SNX29: variants seen among roughly 807,000 people sequenced by gnomAD.
SNX29 encodes sorting nexin 29.
In SNX29, 78 loss-of-function variants were observed where a neutral mutation model predicts 102.1. That is an observed-to-expected ratio of 0.76 (90% CI 0.64 to 0.92). The LOEUF (loss-of-function observed/expected upper bound fraction) is 0.92, where lower values mean the gene tolerates loss of function less well. Among genes scored for constraint, SNX29 ranks in the 40% least tolerant of loss-of-function variants. SNX29 has a pLI of 0.00. For missense variants in SNX29, 1,280 were observed against 1,061.7 expected (o/e 1.21, Z -2.86); for synonymous variants, 580 against 414.5 (o/e 1.40, Z -4.85).
intron 16 of SNX29, among the ~76,000 whole-genome samples, chr16:12,361,637 A>G (rs536201358): frequency 6.6e-6 from 1 of 152,308 alleles, no homozygotes; most frequent in East Asian, 1.9e-4. Context: ...GAGAAGTGGC[A>G]CTTCTGGATC....
chr16:12,164,921 C>T (rs1203864950), intron 13 of SNX29, among the ~76,000 whole-genome samples: 1 of 152,052 alleles, frequency 6.6e-6, no homozygotes, highest in Non-Finnish European at 1.5e-5. Flanking sequence ...CTCCTGACCT[C>T]AGGTGATCTG....
intron 13 of SNX29, among the ~76,000 whole-genome samples, chr16:12,144,506 T>C (rs1474197085): frequency 2.0e-5 from 3 of 152,152 alleles, no homozygotes; most frequent in Admixed American, 6.5e-5. Flanking sequence ...GGAGGTGCGA[T>C]TCATGCTGTT....
At chr16:12,300,127 C>T (rs2080117955) in intron 15 of SNX29, among the ~76,000 whole-genome samples, 2 of 152,226 alleles carry the variant, frequency 1.3e-5, no homozygotes, top group Admixed American at 6.5e-5. Flanking sequence ...CTGCCTCGGC[C>T]TCCCAAAGTG....
chr16:12,276,900 G>T (rs893373685), intron 14 of SNX29, among the ~76,000 whole-genome samples: 6 of 151,934 alleles, frequency 3.9e-5, no homozygotes, highest in African/African-American at 1.5e-4. Flanking sequence ...CATGTCTTTT[G>T]CATTGACGTT....
At chr16:12,490,834 C>G (rs150674388) in intron 19 of SNX29, among the ~76,000 whole-genome samples, 3 of 152,194 alleles carry the variant, frequency 2.0e-5, no homozygotes. Context: ...TGAACACACA[C>G]GTATAACCAT....
At chr16:12,351,109 C>G (rs2081980425) in intron 15 of SNX29, among the ~76,000 whole-genome samples, 1 of 152,194 alleles carries the variant, frequency 6.6e-6, no homozygotes, top group South Asian at 2.1e-4. Flanking sequence ...GCCAACCTCC[C>G]TTTGCCTCAT....
At chr16:12,022,788 C>T (rs572666826) in intron 3 of SNX29, among the ~76,000 whole-genome samples, 230 of 152,126 alleles carry the variant, frequency 1.5e-3, no homozygotes, top group Admixed American at 3.4e-3. Context: ...CCTTCTTAGC[C>T]GTTTCATGGA....
At chr16:12,466,008 A>G (rs1208742168) in intron 18 of SNX29, among the ~76,000 whole-genome samples, 1 of 152,150 alleles carries the variant, frequency 6.6e-6, no homozygotes, top group Non-Finnish European at 1.5e-5. Flanking sequence ...GCATAAGAAA[A>G]CTGTATGTGA....
At chr16:12,381,908 A>T (rs1331090489) in intron 16 of SNX29, among the ~76,000 whole-genome samples, 1 of 148,658 alleles carries the variant, frequency 6.7e-6, no homozygotes, top group South Asian at 2.2e-4. Context: ...CCCGTCATCC[A>T]TCTACCCACC....
intron 13 of SNX29, 135 bp from the exon 14 acceptor site, chr16:12,199,466 G>C (rs1005707469): frequency 3.0e-6 from 2 of 668,834 alleles, no homozygotes; most frequent in Non-Finnish European, 5.1e-6. Flanking sequence ...TCTAAACCAT[G>C]AGAATATATT....
At chr16:12,341,354 C>CTGT (rs2081605172) in intron 15 of SNX29, among the ~76,000 whole-genome samples, 1 of 152,224 alleles carries the variant, frequency 6.6e-6, no homozygotes, top group Non-Finnish European at 1.5e-5. Context: ...CTTCCTGTGG[C>CTGT]TGTTGCAAAG....
chr16:12,571,563 TC>T lies in SNX29; in HGVS notation c.*2936del. The T allele has an allele frequency of 3.0e-6, 3 of 1,016,840 alleles. No homozygotes were observed. The highest frequency in any genetic ancestry group is 3.6e-6 in the Non-Finnish European group (3 of 835,862). The allele number at this position is 1,016,840 out of a possible 1,614,324, so 63.0% of individuals were successfully genotyped here. On this transcript the variant is annotated 3_prime_UTR_variant, in exon 21 of 21. Coordinates refer to ENST00000566228, the MANE Select transcript of SNX29 (RefSeq NM_032167.5). ...GCTGGGAGGAAGAATCCACACCGAA[TC>T]CTTCTGTCTTCATGGCCTGCTGTGC...
At chr16:12,152,880 C>T (rs952390741) in intron 13 of SNX29, among the ~76,000 whole-genome samples, 1 of 152,194 alleles carries the variant, frequency 6.6e-6, no homozygotes, top group African/African-American at 2.4e-5. Flanking sequence ...GTTCTCAGTT[C>T]ACAAGAGGGT....
chr16:11,991,911 C>T (rs1274711945), intron 1 of SNX29, among the ~76,000 whole-genome samples: 3 of 152,008 alleles, frequency 2.0e-5, no homozygotes, highest in African/African-American at 7.3e-5. Context: ...ATGCAGTTGC[C>T]TTGTCTAGCC....
intron 14 of SNX29, among the ~76,000 whole-genome samples, chr16:12,274,170 G>A (rs558603285): frequency 7.9e-5 from 12 of 152,188 alleles, no homozygotes; most frequent in Non-Finnish European, 1.0e-4. Flanking sequence ...TGCCTCTCAC[G>A]TGGCTTGCCT....
chr16:12,277,488 C>T (rs1198852703), intron 14 of SNX29, among the ~76,000 whole-genome samples: 1 of 152,216 alleles, frequency 6.6e-6, no homozygotes, highest in Admixed American at 6.5e-5. Context: ...CTGTTTTCTC[C>T]TGAAATGGAA....
intron 1 of SNX29, among the ~76,000 whole-genome samples, chr16:11,981,036 C>G (rs545238647): frequency 6.6e-6 from 1 of 151,194 alleles, no homozygotes; most frequent in Non-Finnish European, 1.5e-5. Context: ...TGAGAAATCT[C>G]GTCTCACTGC....
At chr16:12,493,716 C>T (rs1435866389) in intron 19 of SNX29, among the ~76,000 whole-genome samples, 1 of 152,162 alleles carries the variant, frequency 6.6e-6, no homozygotes. Context: ...CTCAGCCTCC[C>T]AAGTAGCTGG....
At chr16:12,248,734 A>G (rs1469512711) in intron 14 of SNX29, among the ~76,000 whole-genome samples, 1 of 150,426 alleles carries the variant, frequency 6.6e-6, no homozygotes, top group Non-Finnish European at 1.5e-5. Context: ...CTTAAATGTC[A>G]CTTTATCAGG....
Sources: allele counts gnomAD v4.1 joint callset (sites outside exome capture counted in the v4.1 genomes callset), GRCh38; gene constraint gnomAD v4.1.1; transcripts MANE v1.5; gene names NCBI Gene and HGNC (gene_info 2026-07-23, HGNC 2026-07-21).